Variants in PLCG1 observed in about 807,000 individuals in gnomAD.
The protein encoded by PLCG1 is 1-phosphatidylinositol 4,5-bisphosphate phosphodiesterase gamma-1.
Under a neutral mutation model 177.8 loss-of-function variants are expected in PLCG1, and 71 were observed. That is an observed-to-expected ratio of 0.40 (90% CI 0.33 to 0.49). The LOEUF is 0.49. Among genes scored for constraint, PLCG1 ranks in the 20% least tolerant of loss-of-function variants. The probability of loss-of-function intolerance (pLI) is 0.72; values close to 1 mark genes in which losing one functional copy is unlikely to be tolerated. For synonymous variants in PLCG1, 658 were observed against 647.9 expected (o/e 1.02, Z -0.24); for missense variants, 1,281 against 1,709.0 (o/e 0.75, Z 4.42).
In PLCG1 at chr20:41,165,671, G is replaced by T; in HGVS notation, c.1644G>T (p.Glu548Asp). Residue 548 changes from glutamate (E) to aspartate (D), a missense_variant, in exon 16 of 32, where the codon GAG (glutamate) becomes GAT (aspartate). By Grantham distance (45) the Glu-to-Asp change is conservative. This residue lies in a region of PLCG1 where 723 missense variants were observed against 1,030.0 expected (regional missense o/e 0.70). Transcript: ENST00000685551. The surrounding 1 kb of genome is among the most constrained non-coding windows in gnomAD (Gnocchi z 6.6). ...VSSSTELHSN[E>D]KWFHGKLGAG... ...GCAGCACAGAGCTGCACTCCAATGA[G>T]AAGTGGTTCCATGGGAAGCTAGGGG... 1 of 1,614,026 alleles carries T rather than the reference G, an allele frequency of 6.2e-7. No homozygotes were observed. The highest frequency in any genetic ancestry group is 8.5e-7 in the Non-Finnish European group (1 of 1,179,936).
chr20:41,171,508 AC>A (rs1263992600), intron 24 of PLCG1, among the ~76,000 whole-genome samples: 1 of 145,506 alleles, frequency 6.9e-6, no homozygotes, highest in Non-Finnish European at 1.5e-5. Flanking sequence ...AATCGCTTGA[AC>A]CCGTGAGGTG....
chr20:41,175,870 C>T lies in PLCG1; in HGVS notation c.*1361C>T, dbSNP rs953752064. The T allele has an allele frequency of 3.3e-5, 5 of 152,484 alleles. No homozygotes were observed. The highest frequency in any genetic ancestry group is 9.7e-5 in the African/African-American group (4 of 41,428). The allele number at this position is 152,484 out of a possible 1,614,324, so 9.4% of individuals were successfully genotyped here. A position where few individuals can be genotyped will look rare whatever the true frequency, so the allele number is the denominator to read the frequency against. On this transcript the variant is annotated 3_prime_UTR_variant, in exon 32 of 32. Coordinates refer to ENST00000685551, the MANE Select transcript of PLCG1 (RefSeq NM_002660.3). ...AGGTTAAGCAGCAAGAGCTGTAACC[C>T]CTCCTCTGGGCTAACAGGAGTTGTG... is the stretch of plus-strand genomic sequence containing the variant.
Position 41,177,000 on chromosome 20 carries a change from T to G in PLCG1, c.*2491T>G, listed in dbSNP as rs2146072494. On this transcript the variant is annotated 3_prime_UTR_variant, in exon 32 of 32. Coordinates refer to ENST00000685551, the MANE Select transcript of PLCG1 (RefSeq NM_002660.3). ...CTGAAAAATACTGGTACCCGGGGCC[T>G]TAGCATAGGTATTGTTCAAAACCTC... The G allele has an allele frequency of 6.6e-6, 1 of 152,340 alleles. No individual in the cohort carries two copies. Among genetic ancestry groups the G allele is most frequent in the East Asian group, 1.9e-4 (1 of 5,176 alleles). 9.4% of individuals were successfully genotyped at this position (152,340 alleles called of 1,614,324 possible).
At chr20:41,155,098 A>G (rs1311340097) in intron 1 of PLCG1, among the ~76,000 whole-genome samples, 2 of 152,190 alleles carry the variant, frequency 1.3e-5, no homozygotes, top group Non-Finnish European at 2.9e-5. Flanking sequence ...AAGAGATGGA[A>G]AAGGAACATT....
chr20:41,170,388 T>C (rs1472576411), intron 24 of PLCG1, 119 bp downstream of exon 24: 1 of 977,376 alleles, frequency 1.0e-6, no homozygotes, highest in South Asian at 1.5e-5. Flanking sequence ...CTATGCTAGA[T>C]AGGCCACAGC....
At chr20:41,168,609 A>G (rs2035783222) in intron 20 of PLCG1, among the ~76,000 whole-genome samples, 158 bp from the exon 21 acceptor site, 1 of 152,210 alleles carries the variant, frequency 6.6e-6, no homozygotes, top group Non-Finnish European at 1.5e-5. Context: ...GGGCAGTAAC[A>G]AGAACTATAA....
At chr20:41,162,029 T>G (rs961421301) in intron 4 of PLCG1, among the ~76,000 whole-genome samples, 1 of 152,050 alleles carries the variant, frequency 6.6e-6, no homozygotes, top group African/African-American at 2.4e-5. Context: ...CCTGCTGCCA[T>G]GCTGCCCCCA....
chr20:41,146,296 CCCAGGGCTGGCA>C lies in PLCG1; in HGVS notation c.217+8439_217+8450del, dbSNP rs2034993105. Among the ~76,000 whole-genome samples, 1 of 152,236 alleles carries C rather than the reference CCCAGGGCTGGCA, an allele frequency of 6.6e-6. No individual in the cohort carries two copies. The highest frequency in any genetic ancestry group is 1.5e-5 in the Non-Finnish European group (1 of 68,040). On this transcript the variant is annotated intron_variant, in intron 1 of 31. Transcript: ENST00000685551. The surrounding 1 kb of genome is among the most constrained non-coding windows in gnomAD (Gnocchi z 6.3). ...TGGACCATGCAGAAAACCGCTAATG[CCCAGGGCTGGCA>C]GGAGACAGCTGTGCCTAAAGTGCTG...
intron 1 of PLCG1, among the ~76,000 whole-genome samples, chr20:41,158,011 A>C (rs990113611): frequency 6.6e-6 from 1 of 152,148 alleles, no homozygotes; most frequent in East Asian, 1.9e-4. Flanking sequence ...GGTCAGGGAA[A>C]ACAGCAGAAA....
In PLCG1 at chr20:41,173,327, G is replaced by T; in HGVS notation, c.3280-93G>T. On this transcript the variant is annotated intron_variant, in intron 27 of 31. Coordinates refer to ENST00000685551, the MANE Select transcript of PLCG1 (RefSeq NM_002660.3). The surrounding 1 kb of genome is among the most constrained non-coding windows in gnomAD (Gnocchi z 6.2). ...CCGGGGGCCCAGCAGAGGGCGCGCT[G>T]CCTCCACTCCACAGATGCTGACTGA... 1.5e-6 allele frequency: 2 copies of T among 1,346,984 alleles called. No homozygotes were observed. Among genetic ancestry groups the T allele is most frequent in the Non-Finnish European group, 1.0e-6 (1 of 1,002,512 alleles). The allele number at this position is 1,346,984 out of a possible 1,614,324, so 83.4% of individuals were successfully genotyped here.
intron 1 of PLCG1, among the ~76,000 whole-genome samples, chr20:41,141,342 A>C (rs1463846611): frequency 6.6e-6 from 1 of 152,254 alleles, no homozygotes; most frequent in African/African-American, 2.4e-5. Context: ...AAATGAAAAC[A>C]GGCAATGACA....
Position 41,159,169 on chromosome 20 carries a change from A to G in PLCG1, c.218-437A>G, listed in dbSNP as rs756915207. On this transcript the variant is annotated intron_variant, in intron 1 of 31. Transcript: ENST00000685551. The surrounding 1 kb of genome is among the most constrained non-coding windows in gnomAD (Gnocchi z 6.0). ...GCACCAGTCCTCTGGGCCAGAGCCT[A>G]CTTTCTCCCAGGGATCCTGAGGCCC... is the stretch of plus-strand genomic sequence containing the variant. Among the ~76,000 whole-genome samples, 34 of 152,152 alleles carry G rather than the reference A, an allele frequency of 2.2e-4. No individual in the cohort carries two copies. The highest frequency in any genetic ancestry group is 1.0e-4 in the Non-Finnish European group (7 of 68,012).
intron 1 of PLCG1, among the ~76,000 whole-genome samples, chr20:41,139,911 T>C (rs2034764493): frequency 6.6e-6 from 1 of 152,198 alleles, no homozygotes; most frequent in African/African-American, 2.4e-5. Context: ...CCACCCACCA[T>C]GTAGAACAGT....
rs2034995673 is a variant in PLCG1, at chr20:41,146,399, G to T, written c.217+8541G>T. Among the ~76,000 whole-genome samples the T allele has an allele frequency of 6.6e-6, 1 of 152,170 alleles. No individual in the cohort carries two copies. The highest frequency in any genetic ancestry group is 1.5e-5 in the Non-Finnish European group (1 of 68,022). On this transcript the variant is annotated intron_variant, in intron 1 of 31. Coordinates refer to ENST00000685551, the MANE Select transcript of PLCG1 (RefSeq NM_002660.3). This position sits in a 1 kb window ranked among gnomAD's most constrained non-coding sequence, Gnocchi z 6.3. ...CTGTAGCAGCCCATCCTACCCCCTG[G>T]GGTCCCTCCACCTGCCAGCTGGCAC...
Position 41,170,272 on chromosome 20 carries a change from G to A in PLCG1, c.2808+3G>A. The A allele has an allele frequency of 6.2e-7, 1 of 1,614,088 alleles. No homozygotes were observed. The highest frequency in any genetic ancestry group is 8.5e-7 in the Non-Finnish European group (1 of 1,179,984). ...TGGCCCAGACAGCAGACGCCAGGGT[G>A]AGATTCTGCTGGAACCTTCTGGGGG... On this transcript the variant is annotated splice_donor_region_variant and intron_variant, in intron 24 of 31. Coordinates refer to ENST00000685551, the MANE Select transcript of PLCG1 (RefSeq NM_002660.3).
At position 41,163,833 on chromosome 20, in the gene PLCG1, C is replaced by G. The variant is rs2035595057; in HGVS notation, c.1010C>G (p.Thr337Arg). 1 of 1,611,394 alleles carries G rather than the reference C, an allele frequency of 6.2e-7. No individual in the cohort carries two copies. Among genetic ancestry groups the G allele is most frequent in the Non-Finnish European group, 8.5e-7 (1 of 1,177,570 alleles). Residue 337 changes from threonine (T) to arginine (R), a missense_variant and splice_region_variant, in exon 10 of 32, where the codon ACG becomes AGG. Thr to Arg is a moderately conservative substitution (Grantham distance 71). Coordinates refer to ENST00000685551, the MANE Select transcript of PLCG1 (RefSeq NM_002660.3). This position sits in a 1 kb window ranked among gnomAD's most constrained non-coding sequence, Gnocchi z 5.2. ...SHYWISSSHN[T>R]YLTGDQFSSE... ...TACTGGATCTCCTCCTCGCACAACA[C>G]GTGAGTGTGGCTCCTTCAGGCCCAC...
rs1568736525 is a variant in PLCG1, at chr20:41,156,150, C to T, written c.218-3456C>T. Among the ~76,000 whole-genome samples, 1 of 152,150 alleles carries T rather than the reference C, an allele frequency of 6.6e-6. No homozygotes were observed. The highest frequency in any genetic ancestry group is 1.5e-5 in the Non-Finnish European group (1 of 68,014). On this transcript the variant is annotated intron_variant, in intron 1 of 31. Coordinates refer to ENST00000685551, the MANE Select transcript of PLCG1 (RefSeq NM_002660.3). This position sits in a 1 kb window ranked among gnomAD's most constrained non-coding sequence, Gnocchi z 5.0. ...TGTGGTCCCTCATTACTTCAGAGCC[C>T]CTTAAGAAAGACTGAATCTATTTCT...
rs76526084 is a variant in PLCG1, at chr20:41,147,266, C to G, written c.217+9408C>G. On this transcript the variant is annotated intron_variant, in intron 1 of 31. Coordinates refer to ENST00000685551, the MANE Select transcript of PLCG1 (RefSeq NM_002660.3). The surrounding 1 kb of genome is among the most constrained non-coding windows in gnomAD (Gnocchi z 4.0). ...GGAGGTTGGAAAAGGTAACATATGT[C>G]ACTTTGTTAAGGATTTTGCTGAGGG... 3.6e-3 allele frequency among the ~76,000 whole-genome samples: 552 copies of G among 152,330 alleles called. 5 individuals carry two copies. Among genetic ancestry groups the G allele is most frequent in the African/African-American group, 0.013 (528 of 41,568 alleles).
rs900626381 is a variant in PLCG1 at position 41,148,502 on chromosome 20, G to A, written c.217+10644G>A. On this transcript the variant is annotated intron_variant, in intron 1 of 31. Coordinates refer to ENST00000685551, the MANE Select transcript of PLCG1 (RefSeq NM_002660.3). The surrounding 1 kb of genome is among the most constrained non-coding windows in gnomAD (Gnocchi z 4.3). ...GAGACAGGGCAGCAGAGAGAGACTT[G>A]GAGATATGCTGGGCTGTGGTCAGGA... is the stretch of plus-strand genomic sequence containing the variant. Among the ~76,000 whole-genome samples the A allele has an allele frequency of 6.6e-6, 1 of 151,908 alleles. No individual in the cohort carries two copies. Among genetic ancestry groups the A allele is most frequent in the Admixed American group, 6.6e-5 (1 of 15,216 alleles).
Sources: gnomAD v4.1 joint callset for allele counts (sites outside exome capture counted in the v4.1 genomes callset) on GRCh38, gnomAD v4.1.1 for gene constraint, gnomAD v4.1.1 regional missense constraint, Gnocchi (gnomAD v3.1) non-coding constraint, MANE v1.5 for transcripts, NCBI Gene and HGNC (gene_info 2026-07-23, HGNC 2026-07-21) for gene names.